Variants in ASAP2 observed in about 807,000 individuals in gnomAD.
ASAP2 encodes the protein arf-GAP with SH3 domain, ANK repeat and PH domain-containing protein 2.
A neutral mutation model predicts 131.4 loss-of-function variants in ASAP2; 45 were observed. That is an observed-to-expected ratio of 0.34 (90% confidence interval 0.27 to 0.44). The LOEUF (loss-of-function observed/expected upper bound fraction) is 0.44, where lower values mean the gene tolerates loss of function less well. ASAP2 is among the 20% of genes least tolerant of loss of function. ASAP2 has a pLI of 1.00. For synonymous variants in ASAP2, 510 were observed against 503.0 expected (o/e 1.01, Z -0.19); for missense variants, 1,011 against 1,297.0 (o/e 0.78, Z 3.39).
chr2:9,270,361 G>C (rs1666253838), intron 1 of ASAP2, among the ~76,000 whole-genome samples: 1 of 152,188 alleles, frequency 6.6e-6, no homozygotes, highest in Non-Finnish European at 1.5e-5. Context: ...CTGATGGGTA[G>C]ACATCTTTGC....
chr2:9,362,125 C>A (rs1328428985), intron 15 of ASAP2, among the ~76,000 whole-genome samples: 5 of 152,244 alleles, frequency 3.3e-5, no homozygotes, highest in African/African-American at 1.2e-4. Flanking sequence ...AGCATGTGAA[C>A]CCCCAGGGAG....
intron 3 of ASAP2, among the ~76,000 whole-genome samples, chr2:9,313,661 A>G (rs1442230189): frequency 2.6e-5 from 4 of 152,200 alleles, no homozygotes; most frequent in Admixed American, 2.0e-4. Flanking sequence ...CCAGCCAGGC[A>G]GGGTTCAGGA....
chr2:9,234,675 G>A (rs1044328854), intron 1 of ASAP2, among the ~76,000 whole-genome samples: 1 of 152,148 alleles, frequency 6.6e-6, no homozygotes, highest in African/African-American at 2.4e-5. Context: ...TAGAGCCAAG[G>A]TGAAGGAAGA....
chr2:9,379,292 C>G, intron 19 of ASAP2, among the ~76,000 whole-genome samples: 1 of 152,232 alleles, frequency 6.6e-6, no homozygotes, highest in Admixed American at 6.5e-5. Flanking sequence ...TTTTACAGAT[C>G]ATAAGACAAG....
At chr2:9,368,392 T>TAG in intron 15 of ASAP2, 33 bp from the exon 16 acceptor site, 1 of 1,569,008 alleles carries the variant, frequency 6.4e-7, no homozygotes, top group Non-Finnish European at 8.8e-7. Context: ...TATTAATAAT[T>TAG]GAGTATCCTG....
intron 1 of ASAP2, among the ~76,000 whole-genome samples, chr2:9,263,416 A>G (rs1665715699): frequency 6.6e-6 from 1 of 152,324 alleles, no homozygotes; most frequent in Admixed American, 6.5e-5. Context: ...GCTGCTGTGC[A>G]GTGGTGATCT....
intron 7 of ASAP2, among the ~76,000 whole-genome samples, chr2:9,333,826 C>T (rs1294331730): frequency 6.6e-6 from 1 of 152,168 alleles, no homozygotes; most frequent in African/African-American, 2.4e-5. Context: ...AGCAGAAAAA[C>T]TTGTCCAGCC....
intron 2 of ASAP2, among the ~76,000 whole-genome samples, chr2:9,287,869 G>T (rs1667568078): frequency 1.3e-5 from 2 of 152,148 alleles, no homozygotes; most frequent in East Asian, 1.9e-4. Context: ...TGGAAGGAGG[G>T]TACCTCTGAA....
chr2:9,363,002 A>G (rs7583426), intron 15 of ASAP2, among the ~76,000 whole-genome samples: 1 of 152,066 alleles, frequency 6.6e-6, no homozygotes, highest in African/African-American at 2.4e-5. Flanking sequence ...CTCTACTTCT[A>G]TGAGTTCAGC....
intron 1 of ASAP2, among the ~76,000 whole-genome samples, chr2:9,237,313 A>C (rs1663621975): frequency 1.3e-5 from 2 of 152,046 alleles, no homozygotes. Context: ...TCTCATTTAC[A>C]TTGTGACTTT....
chr2:9,308,465 G>GCCC (rs1174259464), intron 3 of ASAP2, among the ~76,000 whole-genome samples: 1 of 152,218 alleles, frequency 6.6e-6, no homozygotes, highest in Admixed American at 6.5e-5. Flanking sequence ...TGAGGTTTGA[G>GCCC]CGGGGACACA....
chr2:9,325,007 C>T (rs578157367), intron 6 of ASAP2, among the ~76,000 whole-genome samples: 4 of 151,870 alleles, frequency 2.6e-5, no homozygotes, highest in Admixed American at 6.6e-5. Context: ...CCTCCTTTAC[C>T]GCCTTGTTTT....
chr2:9,358,690 A>G, intron 14 of ASAP2, 66 bp from the exon 15 acceptor site: 2 of 1,556,340 alleles, frequency 1.3e-6, no homozygotes, highest in Non-Finnish European at 1.7e-6. Context: ...CTATGCAGGA[A>G]GAAAGATGTG....
intron 16 of ASAP2, among the ~76,000 whole-genome samples, chr2:9,372,003 A>C (rs1025053384): frequency 6.6e-6 from 1 of 152,160 alleles, no homozygotes; most frequent in South Asian, 2.1e-4. Flanking sequence ...GCATGTGTGG[A>C]GTTAAACAGA....
intron 2 of ASAP2, among the ~76,000 whole-genome samples, chr2:9,290,967 T>C (rs1288672145): frequency 6.6e-6 from 1 of 152,220 alleles, no homozygotes; most frequent in Non-Finnish European, 1.5e-5. Flanking sequence ...CATTTTGATG[T>C]ATTATCTTTT....
chr2:9,347,684 C>T (rs1456544566), intron 11 of ASAP2, among the ~76,000 whole-genome samples: 1 of 152,160 alleles, frequency 6.6e-6, no homozygotes, highest in Non-Finnish European at 1.5e-5. Context: ...TTAGCCAAGT[C>T]TGTTTTCTGG....
chr2:9,245,500 C>CA (rs5829203), intron 1 of ASAP2, among the ~76,000 whole-genome samples: 85,325 of 152,008 alleles, frequency 0.56, 25,734 homozygotes, highest in African/African-American at 0.8. Context: ...AAAGTGATGA[C>CA]GTTACCTTCT....
chr2:9,306,403 T>C (rs1668944423), intron 3 of ASAP2, among the ~76,000 whole-genome samples: 1 of 151,630 alleles, frequency 6.6e-6, no homozygotes, highest in South Asian at 2.1e-4. Flanking sequence ...CTCAGGGACG[T>C]TTCCCAGACT....
chr2:9,344,129 G>C (rs969753928), intron 9 of ASAP2, among the ~76,000 whole-genome samples: 4 of 152,216 alleles, frequency 2.6e-5, no homozygotes, highest in Non-Finnish European at 5.9e-5. Context: ...GTAAGGGACA[G>C]AAAGCTGGTT....
Sources: gnomAD v4.1 joint callset for allele counts (sites outside exome capture counted in the v4.1 genomes callset) on GRCh38, gnomAD v4.1.1 for gene constraint, MANE v1.5 for transcripts, NCBI Gene and HGNC (gene_info 2026-07-23, HGNC 2026-07-21) for gene names.